Variants in ZNF804B observed in about 807,000 individuals in gnomAD.
ZNF804B encodes the protein zinc finger 804B.
Under a neutral mutation model 101.4 loss-of-function variants are expected in ZNF804B, and 80 were observed. The observed-to-expected ratio is 0.79, with a 90% CI of 0.66 to 0.95. The LOEUF is 0.95. ZNF804B is among the 40% of genes least tolerant of loss of function. ZNF804B has a pLI of 0.00. For synonymous variants in ZNF804B, 622 were observed against 558.8 expected (o/e 1.11, Z -1.59); for missense variants, 1,673 against 1,561.9 (o/e 1.07, Z -1.20).
At chr7:89,009,271 T>C (rs1461182613) in intron 1 of ZNF804B, among the ~76,000 whole-genome samples, 1 of 152,190 alleles carries the variant, frequency 6.6e-6, no homozygotes, top group Non-Finnish European at 1.5e-5. Flanking sequence ...TGTTATCCTT[T>C]ATTCTTGATT....
chr7:89,322,800 A>G (rs1225690445), intron 2 of ZNF804B, among the ~76,000 whole-genome samples: 1 of 152,212 alleles, frequency 6.6e-6, no homozygotes, highest in African/African-American at 2.4e-5. Context: ...GACAACAACC[A>G]GAAAAAATAC....
intron 2 of ZNF804B, among the ~76,000 whole-genome samples, chr7:89,296,136 A>C (rs1269279284): frequency 6.6e-6 from 1 of 152,164 alleles, no homozygotes; most frequent in Non-Finnish European, 1.5e-5. Flanking sequence ...TTGTACCTAA[A>C]AGCTATTGAA....
intron 1 of ZNF804B, among the ~76,000 whole-genome samples, chr7:89,168,322 GTA>G (rs35124822): frequency 0.41 from 61,478 of 151,124 alleles, 13,037 homozygotes; most frequent in Non-Finnish European, 0.47. Flanking sequence ...CTGTGTGTGT[GTA>G]TATATATATA....
chr7:89,021,999 G>A (rs1034439126), intron 1 of ZNF804B, among the ~76,000 whole-genome samples: 1 of 152,168 alleles, frequency 6.6e-6, no homozygotes, highest in Non-Finnish European at 1.5e-5. Flanking sequence ...TTCTCCTGTA[G>A]TAAGGACTAC....
chr7:89,048,770 A>G (rs1437971904), intron 1 of ZNF804B, among the ~76,000 whole-genome samples: 2 of 151,932 alleles, frequency 1.3e-5, no homozygotes, highest in Non-Finnish European at 2.9e-5. Flanking sequence ...AGGTCTCGTC[A>G]TTCCTTAAGT....
chr7:89,248,270 A>G (rs1367918685), intron 2 of ZNF804B, among the ~76,000 whole-genome samples: 1 of 152,146 alleles, frequency 6.6e-6, no homozygotes, highest in East Asian at 1.9e-4. Flanking sequence ...TCTGTGAGAT[A>G]CTATACAAAA....
At chr7:88,845,301 G>GCGCACGCGCGCACACA (rs1554339289) in intron 1 of ZNF804B, among the ~76,000 whole-genome samples, 1 of 149,920 alleles carries the variant, frequency 6.7e-6, no homozygotes, top group Admixed American at 6.6e-5. Context: ...GCACGCGCGC[G>GCGCACGCGCGCACACA]CACACACACA....
At chr7:89,245,682 T>G (rs1789432030) in intron 2 of ZNF804B, among the ~76,000 whole-genome samples, 1 of 152,096 alleles carries the variant, frequency 6.6e-6, no homozygotes. Context: ...TGCTTTGAAA[T>G]AGGAACAGTG....
chr7:89,242,434 G>T (rs910667424), intron 2 of ZNF804B, among the ~76,000 whole-genome samples: 1 of 151,402 alleles, frequency 6.6e-6, no homozygotes, highest in Non-Finnish European at 1.5e-5. Context: ...AATAGTTATG[G>T]AATATGTATT....
intron 1 of ZNF804B, among the ~76,000 whole-genome samples, chr7:89,159,191 C>T (rs1478042381): frequency 6.6e-6 from 1 of 152,076 alleles, no homozygotes; most frequent in South Asian, 2.1e-4. Flanking sequence ...AAAAGATGAA[C>T]TAATTAGTTA....
intron 1 of ZNF804B, among the ~76,000 whole-genome samples, chr7:88,809,343 CTATCTATCTATCTACCTAT>C (rs1562799789): frequency 1.1e-4 from 16 of 147,258 alleles, no homozygotes; most frequent in African/African-American, 3.7e-4. Flanking sequence ...ATCTATCTAT[CTATCTATCTATCTACCTAT>C]CTATCTACCT....
chr7:89,192,657 G>T (rs1160659739), intron 1 of ZNF804B, among the ~76,000 whole-genome samples: 1 of 151,760 alleles, frequency 6.6e-6, no homozygotes, highest in Non-Finnish European at 1.5e-5. Flanking sequence ...ATTCTATGAG[G>T]CCATCATCAT....
At chr7:88,819,779 A>G (rs1245055874) in intron 1 of ZNF804B, among the ~76,000 whole-genome samples, 1 of 152,172 alleles carries the variant, frequency 6.6e-6, no homozygotes, top group Non-Finnish European at 1.5e-5. Context: ...ATTGTTTTCC[A>G]AAAAATTTAG....
At chr7:88,791,778 A>G (rs1790385107) in intron 1 of ZNF804B, among the ~76,000 whole-genome samples, 1 of 152,080 alleles carries the variant, frequency 6.6e-6, no homozygotes, top group Non-Finnish European at 1.5e-5. Flanking sequence ...TTCCCATTAC[A>G]TATGTATTAT....
At chr7:88,915,325 A>G (rs1351752087) in intron 1 of ZNF804B, among the ~76,000 whole-genome samples, 4 of 152,122 alleles carry the variant, frequency 2.6e-5, no homozygotes, top group African/African-American at 9.6e-5. Flanking sequence ...CCAAAGGGAC[A>G]TATTTTCACA....
chr7:89,248,206 T>A (rs1448929290), intron 2 of ZNF804B, among the ~76,000 whole-genome samples: 1 of 152,034 alleles, frequency 6.6e-6, no homozygotes, highest in Non-Finnish European at 1.5e-5. Context: ...TCAAGAGAAT[T>A]TTTCCTAATC....
chr7:88,874,102 G>C (rs145504045), intron 1 of ZNF804B, among the ~76,000 whole-genome samples: 66,577 of 151,706 alleles, frequency 0.44, 15,946 homozygotes, highest in African/African-American at 0.63. Flanking sequence ...CTACCCATGA[G>C]CATGGAATGT....
chr7:89,181,687 A>T (rs942549744), intron 1 of ZNF804B, among the ~76,000 whole-genome samples: 7 of 152,132 alleles, frequency 4.6e-5, no homozygotes, highest in Non-Finnish European at 8.8e-5. Flanking sequence ...TTATGAAGTT[A>T]TTTTTTGTGA....
chr7:88,851,319 A>T (rs953133961), intron 1 of ZNF804B, among the ~76,000 whole-genome samples: 4 of 152,098 alleles, frequency 2.6e-5, no homozygotes, highest in Non-Finnish European at 5.9e-5. Context: ...ATAAAAAAGC[A>T]CACCAAAGCA....
Sources: gnomAD v4.1 joint callset for allele counts (sites outside exome capture counted in the v4.1 genomes callset) on GRCh38, gnomAD v4.1.1 for gene constraint, MANE v1.5 for transcripts, NCBI Gene and HGNC (gene_info 2026-07-23, HGNC 2026-07-21) for gene names.